Variants in TMEM245 observed in about 807,000 individuals in gnomAD.
The protein encoded by TMEM245 is transmembrane protein 245.
Under a neutral mutation model 101.2 loss-of-function variants are expected in TMEM245, and 69 were observed. The ratio of observed to expected loss-of-function variants is 0.68; its 90% CI spans 0.56 to 0.83. The LOEUF (loss-of-function observed/expected upper bound fraction) is 0.83. TMEM245 is among the 40% of genes least tolerant of loss of function. The pLI is 0.00. For missense variants in TMEM245, 1,075 were observed against 1,092.8 expected (o/e 0.98, Z 0.23); for synonymous variants, 537 against 449.8 (o/e 1.19, Z -2.45).
intron 2 of TMEM245, 132 bp downstream of exon 2, chr9:109,108,321 A>G (rs1830479522): frequency 4.5e-6 from 2 of 441,428 alleles, no homozygotes; most frequent in Admixed American, 8.5e-5. Flanking sequence ...TTAAAGCATA[A>G]CATTTTCTAA....
At chr9:109,117,202 CG>C (rs1345215746) in intron 1 of TMEM245, among the ~76,000 whole-genome samples, 1 of 151,934 alleles carries the variant, frequency 6.6e-6, no homozygotes, top group Non-Finnish European at 1.5e-5. Flanking sequence ...CTCTGCCTCC[CG>C]GGTTCAAGTG....
rs1330072455 is a variant in TMEM245, at chr9:109,108,378, T to C, written c.697+75A>G. On this transcript the variant is annotated intron_variant, in intron 2 of 17. Coordinates refer to ENST00000374586, the MANE Select transcript of TMEM245 (RefSeq NM_032012.4). Reference sequence around the variant, plus strand: ...ACATATGACACTACAAAAAATTCACTTTCATTCACACAGTCAGCCTCTGCT... The same window carrying C: ...ACATATGACACTACAAAAAATTCACCTTCATTCACACAGTCAGCCTCTGCT... The C allele has an allele frequency of 2.2e-5, 16 of 725,458 alleles. No homozygotes were observed. The Admixed American group carries it at 5.5e-4, about 25-fold the overall frequency. 44.9% of individuals were successfully genotyped at this position (725,458 alleles called of 1,614,324 possible). A position where few individuals can be genotyped will look rare whatever the true frequency, so the allele number is the denominator to read the frequency against.
At chr9:109,083,711 T>C (rs1445533149) in intron 7 of TMEM245, among the ~76,000 whole-genome samples, 1 of 151,756 alleles carries the variant, frequency 6.6e-6, no homozygotes, top group African/African-American at 2.4e-5. Context: ...CATTTTGCTT[T>C]GTTTTTAAAC....
At chr9:109,055,404 A>G (rs1209582483) in intron 12 of TMEM245, among the ~76,000 whole-genome samples, 1 of 152,216 alleles carries the variant, frequency 6.6e-6, no homozygotes, top group Non-Finnish European at 1.5e-5. Context: ...AGCTGCTTTT[A>G]GTGTTGCACT....
At chr9:109,085,968 T>C (rs1564198287) in intron 7 of TMEM245, 29 bp downstream of exon 7, 4 of 1,612,838 alleles carry the variant, frequency 2.5e-6, no homozygotes, top group Non-Finnish European at 3.4e-6. Context: ...AATTCAATAG[T>C]AAAAACCAAC....
At chr9:109,106,447 T>A (rs1830426705) in intron 3 of TMEM245, 61 bp downstream of exon 3, 2 of 1,106,462 alleles carry the variant, frequency 1.8e-6, no homozygotes, top group African/African-American at 1.6e-5. Context: ...TAGCATTTTT[T>A]AAAAAGCTAC....
At chr9:109,040,811 A>G (rs1307438260) in intron 14 of TMEM245, among the ~76,000 whole-genome samples, 1 of 152,100 alleles carries the variant, frequency 6.6e-6, no homozygotes, top group East Asian at 1.9e-4. Context: ...CATTATGTAG[A>G]TCTACTACAA....
In TMEM245 at chr9:109,020,459, A is replaced by T; in HGVS notation, c.*1T>A. 1.2e-6 allele frequency: 2 copies of T among 1,614,138 alleles called. No individual in the cohort carries two copies. The highest frequency in any genetic ancestry group is 1.7e-6 in the Non-Finnish European group (2 of 1,179,964). ...GAAAAATCACTGCAGAGGAAACCAC[A>T]TCAACCTACTGAAGATTTCAGATCT... is the stretch of plus-strand genomic sequence containing the variant. On this transcript the variant is annotated 3_prime_UTR_variant, in exon 18 of 18. Coordinates refer to ENST00000374586, the MANE Select transcript of TMEM245 (RefSeq NM_032012.4).
chr9:109,069,015 A>G (rs1185353126), intron 9 of TMEM245, among the ~76,000 whole-genome samples: 1 of 152,160 alleles, frequency 6.6e-6, no homozygotes, highest in Non-Finnish European at 1.5e-5. Context: ...AGCAATGCCA[A>G]TTTCCTGGTT....
At position 109,017,097 on chromosome 9, in the gene TMEM245, G is replaced by C. The variant is rs1259708176; in HGVS notation, c.*3363C>G. The C allele has an allele frequency of 6.6e-6, 1 of 152,142 alleles. No individual in the cohort carries two copies. Among genetic ancestry groups the C allele is most frequent in the African/African-American group, 2.4e-5 (1 of 41,424 alleles). 9.4% of individuals were successfully genotyped at this position (152,142 alleles called of 1,614,324 possible). On this transcript the variant is annotated 3_prime_UTR_variant, in exon 18 of 18. Coordinates refer to ENST00000374586, the MANE Select transcript of TMEM245 (RefSeq NM_032012.4). ...TAATATAACCCAAATGGAAACTACA[G>C]GTCCTAGGAAATCCAGATAGGTCAC...
At chr9:109,094,183 G>C (rs953916315) in intron 3 of TMEM245, among the ~76,000 whole-genome samples, 1 of 152,196 alleles carries the variant, frequency 6.6e-6, no homozygotes, top group African/African-American at 2.4e-5. Context: ...CTAATAGGTA[G>C]TACCAAGCTC....
chr9:109,118,285 G>C (rs1226416997), intron 1 of TMEM245, among the ~76,000 whole-genome samples: 2 of 152,192 alleles, frequency 1.3e-5, no homozygotes, highest in Non-Finnish European at 2.9e-5. Context: ...CCTCAGGCAA[G>C]CCAAAACACC....
chr9:109,036,172 G>A (rs1260560551), intron 16 of TMEM245, 34 bp downstream of exon 16: 4 of 1,504,106 alleles, frequency 2.7e-6, no homozygotes, highest in Non-Finnish European at 3.6e-6. Context: ...ATGCCTGGAT[G>A]ATTCACTAAT....
chr9:109,036,203 T>C lies in TMEM245; in HGVS notation c.2399+3A>G. ...CTAATAAGAAATTCTGTGGCTTACT[T>C]ACCCTGATATGTCAGAGTAGATTGC... On this transcript the variant is annotated splice_donor_region_variant and intron_variant, in intron 16 of 17. Coordinates refer to ENST00000374586, the MANE Select transcript of TMEM245 (RefSeq NM_032012.4). 6.3e-7 allele frequency: 1 copy of C among 1,582,852 alleles called. No individual in the cohort carries two copies.
intron 3 of TMEM245, among the ~76,000 whole-genome samples, chr9:109,095,885 T>C (rs2132592328): frequency 6.6e-6 from 1 of 152,240 alleles, no homozygotes; most frequent in East Asian, 1.9e-4. Flanking sequence ...TTCTTGCTTG[T>C]CTGGAGAAAA....
chr9:109,118,233 G>C (rs1225883890), intron 1 of TMEM245, among the ~76,000 whole-genome samples: 1 of 152,250 alleles, frequency 6.6e-6, no homozygotes, highest in East Asian at 1.9e-4. Context: ...GAGGGAACAA[G>C]AGAAGAAGGG....
At chr9:109,056,203 G>C (rs538522918) in intron 12 of TMEM245, among the ~76,000 whole-genome samples, 20 of 152,228 alleles carry the variant, frequency 1.3e-4, no homozygotes, top group African/African-American at 4.8e-4. Flanking sequence ...GTAAAGAAAA[G>C]ATGGGAAATT....
At chr9:109,058,123 C>T (rs1320771501) in intron 11 of TMEM245, among the ~76,000 whole-genome samples, 2 of 151,284 alleles carry the variant, frequency 1.3e-5, no homozygotes, top group South Asian at 2.1e-4. Flanking sequence ...GCCTCAGCCT[C>T]CCGAGTAGCT....
Position 109,050,593 on chromosome 9 carries a change from G to C in TMEM245, c.1954C>G (p.Leu652Val). 6.2e-7 allele frequency: 1 copy of C among 1,613,762 alleles called. No individual in the cohort carries two copies. Among genetic ancestry groups the C allele is most frequent in the Non-Finnish European group, 8.5e-7 (1 of 1,179,942 alleles). The change falls in exon 13 of 18, where the codon CTT becomes GTT. Residue 652 changes from leucine (L) to valine (V), a missense_variant. Leu to Val is a conservative substitution (Grantham distance 32). This residue lies in a region of TMEM245 where 267 missense variants were observed against 351.3 expected (regional missense o/e 0.76). Transcript: ENST00000374586. ...LTILFYSGTA[L>V]LNFVLSLIIF... Reference sequence around the variant, plus strand: ...ACCAGAGAGAGTACAAAATTGAGAAGGGCTGTCCCGCTGTAGAAGAGGATG... The same window carrying C: ...ACCAGAGAGAGTACAAAATTGAGAACGGCTGTCCCGCTGTAGAAGAGGATG...
Sources: gnomAD v4.1 joint callset for allele counts (sites outside exome capture counted in the v4.1 genomes callset) on GRCh38, gnomAD v4.1.1 for gene constraint, gnomAD v4.1.1 regional missense constraint, MANE v1.5 for transcripts, NCBI Gene and HGNC (gene_info 2026-07-23, HGNC 2026-07-21) for gene names.